Variants in PRDM5 observed in about 807,000 individuals in gnomAD.
PRDM5 encodes the protein PR domain zinc finger protein 5.
Under a neutral mutation model 81.2 loss-of-function variants are expected in PRDM5, and 56 were observed. That is an observed-to-expected ratio of 0.69 (90% confidence interval 0.56 to 0.86). The LOEUF (loss-of-function observed/expected upper bound fraction) is 0.86, where lower values mean the gene tolerates loss of function less well. Ranked by LOEUF, PRDM5 falls within the 40% of genes least tolerant of loss-of-function variation. PRDM5 has a pLI of 0.00. For synonymous variants in PRDM5, 267 were observed against 256.4 expected (o/e 1.04, Z -0.39); for missense variants, 697 against 770.1 (o/e 0.91, Z 1.12).
chr4:120,883,753 A>G (rs537510707), intron 2 of PRDM5, among the ~76,000 whole-genome samples: 2 of 152,302 alleles, frequency 1.3e-5, no homozygotes, highest in African/African-American at 4.8e-5. Context: ...GTTAACTGAA[A>G]TTTTAATATA....
At chr4:120,701,863 T>C (rs1419441237) in intron 15 of PRDM5, among the ~76,000 whole-genome samples, 2 of 152,192 alleles carry the variant, frequency 1.3e-5, no homozygotes, top group African/African-American at 4.8e-5. Context: ...AATTTTTTCT[T>C]CCCATATTCC....
chr4:120,845,553 C>A (rs760078401), intron 3 of PRDM5, among the ~76,000 whole-genome samples: 2 of 152,188 alleles, frequency 1.3e-5, no homozygotes, highest in Admixed American at 1.3e-4. Context: ...CTTCTGAAAA[C>A]TACTGCTCAT....
At chr4:120,858,576 T>TGCGC (rs1213011507) in intron 2 of PRDM5, among the ~76,000 whole-genome samples, 140 of 151,842 alleles carry the variant, frequency 9.2e-4, no homozygotes, top group African/African-American at 3.1e-3. Context: ...AACGCGTGCG[T>TGCGC]GCGCGCGCAC....
At position 120,692,503 on chromosome 4, in the gene PRDM5, A is replaced by T. The variant is rs976515537; in HGVS notation, c.*2608T>A. 6.6e-6 allele frequency: 1 copy of T among 152,150 alleles called. No homozygotes were observed. The highest frequency in any genetic ancestry group is 6.6e-5 in the Admixed American group (1 of 15,236). The allele number at this position is 152,150 out of a possible 1,614,324, so 9.4% of individuals were successfully genotyped here. A position where few individuals can be genotyped will look rare whatever the true frequency, so the allele number is the denominator to read the frequency against. On this transcript the variant is annotated 3_prime_UTR_variant, in exon 16 of 16. Transcript: ENST00000264808. ...AATAAATGCCTCTATATAGCCAACAACACACCATGAAAAGGAAAACAAAAG... is the reference window on the plus strand; with the variant it reads ...AATAAATGCCTCTATATAGCCAACATCACACCATGAAAAGGAAAACAAAAG...
At chr4:120,736,439 G>A (rs1741142933) in intron 14 of PRDM5, among the ~76,000 whole-genome samples, 1 of 152,096 alleles carries the variant, frequency 6.6e-6, no homozygotes, top group Non-Finnish European at 1.5e-5. Context: ...GCTGGTAGTG[G>A]CCAGTAACCA....
chr4:120,760,702 C>G (rs1561126434), intron 13 of PRDM5, among the ~76,000 whole-genome samples: 1 of 151,142 alleles, frequency 6.6e-6, no homozygotes, highest in Non-Finnish European at 1.5e-5. Flanking sequence ...AAAGGTGCCA[C>G]AAAGTGGATA....
At chr4:120,719,866 C>A (rs114919513) in intron 14 of PRDM5, among the ~76,000 whole-genome samples, 1 of 152,200 alleles carries the variant, frequency 6.6e-6, no homozygotes, top group East Asian at 1.9e-4. Flanking sequence ...AAAAATATCG[C>A]CATTATCCTT....
chr4:120,876,136 A>G (rs1762310048), intron 2 of PRDM5, among the ~76,000 whole-genome samples: 1 of 152,184 alleles, frequency 6.6e-6, no homozygotes, highest in South Asian at 2.1e-4. Flanking sequence ...GAAATGCACA[A>G]AACACTCACA....
At chr4:120,834,643 GT>G (rs1757129900) in intron 3 of PRDM5, among the ~76,000 whole-genome samples, 1 of 152,182 alleles carries the variant, frequency 6.6e-6, no homozygotes, top group African/African-American at 2.4e-5. Flanking sequence ...TATTCTGTGT[GT>G]TTCTGTGGAG....
At chr4:120,762,954 T>C (rs538903692) in intron 13 of PRDM5, among the ~76,000 whole-genome samples, 1 of 152,240 alleles carries the variant, frequency 6.6e-6, no homozygotes, top group East Asian at 1.9e-4. Context: ...TTAACAGAGT[T>C]TACAGTTGTA....
chr4:120,817,524 G>GAAAGAC (rs113555002), intron 5 of PRDM5, among the ~76,000 whole-genome samples: 1 of 151,532 alleles, frequency 6.6e-6, no homozygotes, highest in Non-Finnish European at 1.5e-5. Flanking sequence ...TAAGAGAAGA[G>GAAAGAC]ATATGTTGAT....
intron 13 of PRDM5, among the ~76,000 whole-genome samples, chr4:120,775,404 C>A (rs1748007258): frequency 6.6e-6 from 1 of 152,010 alleles, no homozygotes; most frequent in African/African-American, 2.4e-5. Context: ...CACTGCCTAG[C>A]CATACTATGA....
intron 2 of PRDM5, among the ~76,000 whole-genome samples, chr4:120,906,430 T>C (rs186895828): frequency 3.4e-4 from 52 of 152,358 alleles, no homozygotes; most frequent in Middle Eastern, 3.4e-3. Context: ...TGTACAAATA[T>C]GCTCTATGAT....
At chr4:120,738,701 CATTTAG>C (rs1281409089) in intron 14 of PRDM5, among the ~76,000 whole-genome samples, 1 of 152,126 alleles carries the variant, frequency 6.6e-6, no homozygotes, top group Non-Finnish European at 1.5e-5. Context: ...TCTTTGGGAA[CATTTAG>C]TAAGTGCTCA....
At chr4:120,857,936 T>A (rs1354942923) in intron 2 of PRDM5, among the ~76,000 whole-genome samples, 1 of 152,146 alleles carries the variant, frequency 6.6e-6, no homozygotes, top group African/African-American at 2.4e-5. Flanking sequence ...ACTATATACA[T>A]TCCATCAAGG....
At chr4:120,896,298 T>A (rs1339208812) in intron 2 of PRDM5, 6 of 152,130 alleles carry the variant, frequency 3.9e-5, no homozygotes, top group Non-Finnish European at 7.3e-5. Flanking sequence ...TAGTCAACAC[T>A]GAAGATGGGC....
At chr4:120,789,299 T>C (rs1051564349) in intron 10 of PRDM5, among the ~76,000 whole-genome samples, 4 of 152,174 alleles carry the variant, frequency 2.6e-5, no homozygotes, top group Non-Finnish European at 5.9e-5. Context: ...TGGCGTAATG[T>C]ACATTAATTA....
chr4:120,705,650 A>G (rs1329909729), intron 15 of PRDM5, among the ~76,000 whole-genome samples: 1 of 152,168 alleles, frequency 6.6e-6, no homozygotes, highest in Non-Finnish European at 1.5e-5. Flanking sequence ...CTTTCAGACC[A>G]TGATAAAACT....
chr4:120,742,483 G>T (rs1435800245), intron 14 of PRDM5, among the ~76,000 whole-genome samples: 1 of 152,212 alleles, frequency 6.6e-6, no homozygotes, highest in African/African-American at 2.4e-5. Flanking sequence ...ATTACTCTGA[G>T]CTACAGGAGG....
Sources: gnomAD v4.1 joint callset for allele counts (sites outside exome capture counted in the v4.1 genomes callset) on GRCh38, gnomAD v4.1.1 for gene constraint, MANE v1.5 for transcripts, NCBI Gene and HGNC (gene_info 2026-07-23, HGNC 2026-07-21) for gene names.